Variants in MACROD2 observed in about 807,000 individuals in gnomAD.
MACROD2 encodes the protein mono-ADP ribosylhydrolase 2.
A neutral mutation model predicts 70.4 loss-of-function variants in MACROD2; 36 were observed. The ratio of observed to expected loss-of-function variants is 0.51; its 90% CI spans 0.39 to 0.68. The LOEUF (loss-of-function observed/expected upper bound fraction) is 0.68. MACROD2 is among the 30% of genes least tolerant of loss of function. The probability of loss-of-function intolerance (pLI) is 0.00; values close to 1 mark genes in which losing one functional copy is unlikely to be tolerated. For missense variants in MACROD2, 496 were observed against 538.4 expected, an observed-to-expected ratio of 0.92 and a Z score of 0.78; for synonymous variants, 172 against 178.8, an observed-to-expected ratio of 0.96 and a Z score of 0.30.
At chr20:14,869,098 T>C (rs1454374530) in intron 5 of MACROD2, among the ~76,000 whole-genome samples, 1 of 152,156 alleles carries the variant, frequency 6.6e-6, no homozygotes, top group Non-Finnish European at 1.5e-5. Flanking sequence ...TCCTGTGCAA[T>C]AGCACAGGTC....
At chr20:15,192,172 G>T (rs535906178) in intron 5 of MACROD2, among the ~76,000 whole-genome samples, 2 of 149,920 alleles carry the variant, frequency 1.3e-5, no homozygotes, top group African/African-American at 4.9e-5. Flanking sequence ...CCCCTTTTCC[G>T]TCTCCTCTGT....
At chr20:15,901,658 C>T (rs1338263607) in intron 10 of MACROD2, among the ~76,000 whole-genome samples, 1 of 152,074 alleles carries the variant, frequency 6.6e-6, no homozygotes, top group East Asian at 1.9e-4. Flanking sequence ...AGGACATAGC[C>T]CCATCTTAAG....
At chr20:15,814,149 G>A (rs2063848763) in intron 8 of MACROD2, among the ~76,000 whole-genome samples, 1 of 152,162 alleles carries the variant, frequency 6.6e-6, no homozygotes, top group Admixed American at 6.5e-5. Context: ...TAACATCACT[G>A]CAGGAGATGT....
intron 6 of MACROD2, among the ~76,000 whole-genome samples, chr20:15,389,607 C>A (rs1334320273): frequency 6.6e-6 from 1 of 152,154 alleles, no homozygotes; most frequent in South Asian, 2.1e-4. Flanking sequence ...AATATTTTTA[C>A]TAATTAAGAT....
At chr20:14,431,144 T>A (rs1308006038) in intron 3 of MACROD2, among the ~76,000 whole-genome samples, 1 of 152,120 alleles carries the variant, frequency 6.6e-6, no homozygotes, top group Non-Finnish European at 1.5e-5. Flanking sequence ...TAGATGGAGA[T>A]GTTCGATAGG....
chr20:15,185,777 G>A (rs144061580), intron 5 of MACROD2, among the ~76,000 whole-genome samples: 2 of 152,234 alleles, frequency 1.3e-5, no homozygotes, highest in East Asian at 3.9e-4. Flanking sequence ...GTTCAGAGTC[G>A]ACTAATCTGT....
chr20:15,446,274 G>C (rs1180611234), intron 7 of MACROD2, among the ~76,000 whole-genome samples: 1 of 152,086 alleles, frequency 6.6e-6, no homozygotes. Context: ...ATCCTTCTAT[G>C]CATCATATCA....
chr20:14,105,549 T>C (rs931005194), intron 3 of MACROD2, among the ~76,000 whole-genome samples: 1 of 152,160 alleles, frequency 6.6e-6, no homozygotes, highest in Non-Finnish European at 1.5e-5. Context: ...TCTGGGGTCC[T>C]AGGTAAACTC....
intron 3 of MACROD2, among the ~76,000 whole-genome samples, chr20:14,268,840 T>C (rs2082166444): frequency 6.6e-6 from 1 of 152,216 alleles, no homozygotes. Context: ...CCCTTCTCTT[T>C]TCTGGTTTCC....
chr20:14,559,254 A>C (rs141248600), intron 4 of MACROD2, among the ~76,000 whole-genome samples: 1 of 151,874 alleles, frequency 6.6e-6, no homozygotes, highest in African/African-American at 2.4e-5. Context: ...CTTTGAATTT[A>C]CACTTTTTAA....
chr20:14,049,452 G>A (rs1480271054), intron 2 of MACROD2, among the ~76,000 whole-genome samples: 1 of 151,878 alleles, frequency 6.6e-6, no homozygotes, highest in Non-Finnish European at 1.5e-5. Flanking sequence ...TTAAAAAACT[G>A]CCTCTAGGCT....
chr20:15,335,385 A>G (rs905928494), intron 6 of MACROD2, among the ~76,000 whole-genome samples: 9 of 151,612 alleles, frequency 5.9e-5, no homozygotes, highest in African/African-American at 2.2e-4. Flanking sequence ...ATTATATGTA[A>G]TCAGATTTGT....
In MACROD2 at chr20:15,709,021, A is replaced by AAAT. The variant is rs757270802; in HGVS notation, c.646-153709_646-153707dup. Among the ~76,000 whole-genome samples, 39 of 152,240 alleles carry AAAT rather than the reference A, an allele frequency of 2.6e-4. No homozygotes were observed. The Middle Eastern group carries it at 0.01, about 40-fold the overall frequency. ...CAACAGAGTGACACCCTATCTCTAA[A>AAAT]AATAATAATAATAATAAATTCATTG... On this transcript the variant is annotated intron_variant, in intron 8 of 17. Coordinates refer to ENST00000684519, the MANE Select transcript of MACROD2 (RefSeq NM_001351661.2).
chr20:15,999,651 C>G (rs1568697675), intron 15 of MACROD2, among the ~76,000 whole-genome samples: 1 of 152,164 alleles, frequency 6.6e-6, no homozygotes. Context: ...TTTAGATGCT[C>G]TGATGTTTGG....
At chr20:14,996,098 A>G (rs1433712343) in intron 5 of MACROD2, among the ~76,000 whole-genome samples, 1 of 152,168 alleles carries the variant, frequency 6.6e-6, no homozygotes, top group Non-Finnish European at 1.5e-5. Flanking sequence ...GAATTTTAAA[A>G]GTAATATGGA....
intron 8 of MACROD2, among the ~76,000 whole-genome samples, chr20:15,526,387 G>T (rs1453320046): frequency 9.2e-5 from 14 of 152,164 alleles, no homozygotes. Flanking sequence ...GAGAGTTGAA[G>T]AAAGATGAGA....
At chr20:15,201,838 G>T (rs181843669) in intron 5 of MACROD2, among the ~76,000 whole-genome samples, 256 of 152,306 alleles carry the variant, frequency 1.7e-3, no homozygotes, top group South Asian at 0.017. Flanking sequence ...GAAAAGAGAT[G>T]TAAGCACCTC....
At chr20:14,698,307 G>A (rs1178543344) in intron 5 of MACROD2, among the ~76,000 whole-genome samples, 2 of 152,138 alleles carry the variant, frequency 1.3e-5, no homozygotes, top group African/African-American at 4.8e-5. Context: ...CTCAAACTCA[G>A]GCTCTGGACG....
chr20:14,727,863 T>C (rs928958106), intron 5 of MACROD2, among the ~76,000 whole-genome samples: 1 of 152,204 alleles, frequency 6.6e-6, no homozygotes, highest in African/African-American at 2.4e-5. Flanking sequence ...CTCTGAGATA[T>C]TATTATTACT....
Sources: gnomAD v4.1 joint callset for allele counts (sites outside exome capture counted in the v4.1 genomes callset) on GRCh38, gnomAD v4.1.1 for gene constraint, MANE v1.5 for transcripts, NCBI Gene and HGNC (gene_info 2026-07-23, HGNC 2026-07-21) for gene names.